ZDHHC11B: variants seen among roughly 807,000 people sequenced by gnomAD.
The protein encoded by ZDHHC11B is zDHHC palmitoyltransferase 11B (putative), also known as probable palmitoyltransferase ZDHHC11B.
In ZDHHC11B, 17 loss-of-function variants were observed where a neutral mutation model predicts 42.3. The ratio of observed to expected loss-of-function variants is 0.40; its 90% CI spans 0.27 to 0.60. The LOEUF is 0.60. Ranked by LOEUF, ZDHHC11B falls within the 20% of genes least tolerant of loss-of-function variation. The pLI is 0.41. For synonymous variants in ZDHHC11B, 123 were observed against 193.5 expected, an observed-to-expected ratio of 0.64 and a Z score of 3.02; for missense variants, 262 against 463.2, an observed-to-expected ratio of 0.57 and a Z score of 3.99.
rs374123416 is a variant in ZDHHC11B, at chr5:766,586, GACAGGTGACTGGTGCC to G, written c.222+96_222+111del. The G allele has an allele frequency of 9.6e-5, 115 of 1,192,126 alleles. 1 individual carries two copies. In the African/African-American group the frequency reaches 1.4e-3, roughly 14 times the overall value. The allele number at this position is 1,192,126 out of a possible 1,614,324, so 73.8% of individuals were successfully genotyped here. A position where few individuals can be genotyped will look rare whatever the true frequency, so the allele number is the denominator to read the frequency against. ...GCTCGGGGGACATAGTCTGGCCCAGGACAGGTGACTGGTGCCACCGGGCAGCCATGGCCCAGACCCC... is the reference window on the plus strand; with the variant it reads ...GCTCGGGGGACATAGTCTGGCCCAGGACCGGGCAGCCATGGCCCAGACCCC... On this transcript the variant is annotated intron_variant, in intron 4 of 13. Coordinates refer to ENST00000508859, the MANE Select transcript of ZDHHC11B (RefSeq NM_001351303.2).
intron 5 of ZDHHC11B, among the ~76,000 whole-genome samples, 165 bp from the exon 6 acceptor site, chr5:755,264 C>T (rs1250578279): frequency 2.2e-5 from 3 of 135,452 alleles, no homozygotes; most frequent in African/African-American, 7.7e-5. Context: ...GGTGTTGAGG[C>T]CTGTGGGGAG....
At chr5:766,123 A>C (rs1230773000) in intron 4 of ZDHHC11B, among the ~76,000 whole-genome samples, 2 of 151,820 alleles carry the variant, frequency 1.3e-5, no homozygotes, top group African/African-American at 2.4e-5. Context: ...CACATGCCCC[A>C]TGGACATGCA....
At chr5:719,713 G>A (rs867054305) in intron 12 of ZDHHC11B, among the ~76,000 whole-genome samples, 6 of 151,530 alleles carry the variant, frequency 4.0e-5, no homozygotes, top group Non-Finnish European at 8.8e-5. Flanking sequence ...TGCAACATAG[G>A]AGTCTCCAAA....
chr5:725,087 G>A (rs1404900717), intron 12 of ZDHHC11B, among the ~76,000 whole-genome samples: 1 of 151,330 alleles, frequency 6.6e-6, no homozygotes, highest in African/African-American at 2.4e-5. Flanking sequence ...GGAGCCTTTG[G>A]TGTCAGCTCC....
At chr5:776,592 C>T (rs148122794) in intron 1 of ZDHHC11B, among the ~76,000 whole-genome samples, 7 of 151,952 alleles carry the variant, frequency 4.6e-5, no homozygotes, top group African/African-American at 1.2e-4. Context: ...TCGAGACCCT[C>T]GCTGGTGAAT....
chr5:721,767 T>A (rs1321883099), intron 12 of ZDHHC11B, among the ~76,000 whole-genome samples: 9 of 151,708 alleles, frequency 5.9e-5, no homozygotes, highest in African/African-American at 2.2e-4. Flanking sequence ...GTGACCATAA[T>A]ACTGAATAAC....
At chr5:758,163 G>A (rs779365538) in intron 4 of ZDHHC11B, among the ~76,000 whole-genome samples, 5 of 151,868 alleles carry the variant, frequency 3.3e-5, no homozygotes, top group Non-Finnish European at 5.9e-5. Flanking sequence ...CAGGGAGCTC[G>A]TCTGGAGCCT....
intron 11 of ZDHHC11B, chr5:732,601 AT>A: frequency 4.5e-6 from 2 of 447,002 alleles, no homozygotes; most frequent in Non-Finnish European, 4.5e-6. Context: ...TGGGTGATCC[AT>A]TTTCATTTCC....
At chr5:712,778 G>T (rs1481987417) in intron 13 of ZDHHC11B, among the ~76,000 whole-genome samples, 4 of 151,584 alleles carry the variant, frequency 2.6e-5, no homozygotes, top group African/African-American at 9.7e-5. Context: ...GTGTGGTGGC[G>T]GGCAACTGTA....
intron 9 of ZDHHC11B, among the ~76,000 whole-genome samples, chr5:744,421 A>C (rs1744511804): frequency 6.7e-6 from 1 of 149,106 alleles, no homozygotes; most frequent in Non-Finnish European, 1.5e-5. Flanking sequence ...TCATGCATGA[A>C]GACTACAGGG....
chr5:777,777 T>G lies in ZDHHC11B; in HGVS notation c.-230+6891A>C, dbSNP rs1204780926. 1.3e-5 allele frequency among the ~76,000 whole-genome samples: 2 copies of G among 151,962 alleles called. 1 individual carries two copies. The highest frequency in any genetic ancestry group is 2.9e-5 in the Non-Finnish European group (2 of 67,938). Reference sequence around the variant, plus strand: ...CTAGCTAGCTTTCTCTATCGGATCCTGAGCCCCGCAGCAGGCGGAGCTGCC... The same window carrying G: ...CTAGCTAGCTTTCTCTATCGGATCCGGAGCCCCGCAGCAGGCGGAGCTGCC... On this transcript the variant is annotated intron_variant, in intron 1 of 13. Coordinates refer to ENST00000508859, the MANE Select transcript of ZDHHC11B (RefSeq NM_001351303.2).
rs1389042767 is a variant in ZDHHC11B at position 753,109 on chromosome 5, GC to G, written c.504-1853del. ...CGCTCGCAGTCTTCCCAGGACACCA[GC>G]GCCGCCTGCCTTCTTTCCGTCCCCC... is the stretch of plus-strand genomic sequence containing the variant. On this transcript the variant is annotated intron_variant, in intron 6 of 13. Transcript: ENST00000508859. Among the ~76,000 whole-genome samples the G allele has an allele frequency of 4.7e-3, 605 of 128,758 alleles. 21 individuals carry two copies. The highest frequency in any genetic ancestry group is 0.015 in the African/African-American group (586 of 39,886). 84.5% of individuals were successfully genotyped at this position (128,758 alleles called of 152,430 possible).
At chr5:765,899 C>G (rs548713745) in intron 4 of ZDHHC11B, among the ~76,000 whole-genome samples, 2 of 151,942 alleles carry the variant, frequency 1.3e-5, no homozygotes, top group Non-Finnish European at 2.9e-5. Flanking sequence ...CCACCAGTTC[C>G]GGACACAGTG....
intron 4 of ZDHHC11B, among the ~76,000 whole-genome samples, chr5:761,303 C>T (rs1199908514): frequency 6.6e-6 from 1 of 151,870 alleles, no homozygotes; most frequent in African/African-American, 2.4e-5. Flanking sequence ...GTGACATCCT[C>T]ATCCCTCACT....
At chr5:783,133 A>G (rs1405831362) in intron 1 of ZDHHC11B, among the ~76,000 whole-genome samples, 1 of 152,208 alleles carries the variant, frequency 6.6e-6, no homozygotes, top group Admixed American at 6.6e-5. Context: ...TTTCTGAATC[A>G]GAGATCCCTT....
At chr5:780,683 C>T (rs1392015512) in intron 1 of ZDHHC11B, among the ~76,000 whole-genome samples, 1 of 146,074 alleles carries the variant, frequency 6.8e-6, no homozygotes, top group African/African-American at 2.7e-5. Context: ...GTGGGGCCCT[C>T]CCAGCAGGCG....
intron 11 of ZDHHC11B, among the ~76,000 whole-genome samples, chr5:731,386 A>G (rs1173211532): frequency 2.0e-5 from 3 of 149,338 alleles, no homozygotes; most frequent in Non-Finnish European, 4.5e-5. Context: ...CCTGGATGGT[A>G]CCCTTAATCT....
chr5:778,067 G>A (rs1736691281), intron 1 of ZDHHC11B, among the ~76,000 whole-genome samples: 1 of 151,962 alleles, frequency 6.6e-6, no homozygotes, highest in Admixed American at 6.6e-5. Context: ...GTAGGACAGA[G>A]GGGCAAGGGG....
At chr5:774,883 C>T (rs1320340320) in intron 1 of ZDHHC11B, among the ~76,000 whole-genome samples, 2 of 151,998 alleles carry the variant, frequency 1.3e-5, no homozygotes, top group African/African-American at 2.4e-5. Flanking sequence ...TTGTTCACTG[C>T]CCACGCCCAC....
Sources: gnomAD v4.1 joint callset for allele counts (sites outside exome capture counted in the v4.1 genomes callset) on GRCh38, gnomAD v4.1.1 for gene constraint, MANE v1.5 for transcripts, NCBI Gene and HGNC (gene_info 2026-07-23, HGNC 2026-07-21) for gene names.